Variants in OXNAD1 observed in about 807,000 individuals in gnomAD.
OXNAD1 encodes oxidoreductase NAD-binding domain-containing protein 1.
A neutral mutation model predicts 32.9 loss-of-function variants in OXNAD1; 34 were observed. The ratio of observed to expected loss-of-function variants is 1.03; its 90% CI spans 0.79 to 1.38. The LOEUF (loss-of-function observed/expected upper bound fraction) is 1.38. Among genes scored for constraint, OXNAD1 ranks in the 40% most tolerant of loss-of-function variants. OXNAD1 has a pLI of 0.00. For synonymous variants in OXNAD1, 134 were observed against 135.2 expected (o/e 0.99, Z 0.06); for missense variants, 407 against 379.4 (o/e 1.07, Z -0.60).
Position 16,317,535 on chromosome 3 carries a change from T to C in OXNAD1, c.*30+13943T>C, listed in dbSNP as rs1156985117. ...AAAGGCCCACATAGGAAAGGGCTCC[T>C]AAAGTCCTATCATTTGGAGGGCCAG... On this transcript the variant is annotated intron_variant, in intron 9 of 9. Transcript: ENST00000435829. This position sits in a 1 kb window ranked among gnomAD's most constrained non-coding sequence, Gnocchi z 4.3. Among the ~76,000 whole-genome samples the C allele has an allele frequency of 6.6e-6, 1 of 152,150 alleles. No individual in the cohort carries two copies. The highest frequency in any genetic ancestry group is 2.4e-5 in the African/African-American group (1 of 41,430).
intron 5 of OXNAD1, 82 bp downstream of exon 5, chr3:16,286,530 A>G: frequency 1.8e-6 from 2 of 1,139,466 alleles, no homozygotes; most frequent in Non-Finnish European, 2.6e-6. Flanking sequence ...CTCCTGGAAA[A>G]GGCTAGCCAT....
chr3:16,306,624 T>G (rs1468406708), downstream of OXNAD1, among the ~76,000 whole-genome samples: 1 of 152,244 alleles, frequency 6.6e-6, no homozygotes, highest in Non-Finnish European at 1.5e-5. Context: ...ATGATTCATT[T>G]GTTAAAGAAA....
rs1468071472 is a variant in OXNAD1 at position 16,277,611 on chromosome 3, C to T, written c.183+5889C>T. Among the ~76,000 whole-genome samples the T allele has an allele frequency of 6.6e-6, 1 of 152,208 alleles. No homozygotes were observed. The highest frequency in any genetic ancestry group is 2.4e-5 in the African/African-American group (1 of 41,454). On this transcript the variant is annotated intron_variant, in intron 4 of 8. Coordinates refer to ENST00000285083, the MANE Select transcript of OXNAD1 (RefSeq NM_138381.5). This position sits in a 1 kb window ranked among gnomAD's most constrained non-coding sequence, Gnocchi z 4.3. ...AGGAAGCAGGGCCTAGGACATGTCT[C>T]TCAGTGACGAAAGGAAGCTCCAGCT...
chr3:16,296,274 T>G (rs572882742), intron 6 of OXNAD1, among the ~76,000 whole-genome samples: 1 of 134,592 alleles, frequency 7.4e-6, no homozygotes, highest in African/African-American at 2.5e-5. Context: ...CTCTTGCAAA[T>G]AGTCCAAAAA....
At chr3:16,310,716 G>A (rs752060098), downstream of OXNAD1, among the ~76,000 whole-genome samples, 8 of 152,228 alleles carry the variant, frequency 5.3e-5, no homozygotes, top group East Asian at 1.9e-4. Context: ...GGGGCTGGGC[G>A]CGGTGACTCA....
At chr3:16,339,122 T>C (rs2071127930), downstream of OXNAD1, among the ~76,000 whole-genome samples, 1 of 152,194 alleles carries the variant, frequency 6.6e-6, no homozygotes, top group Non-Finnish European at 1.5e-5. Context: ...AAGGAAGGGA[T>C]TGGGTAAGAC....
downstream of OXNAD1, among the ~76,000 whole-genome samples, chr3:16,308,323 G>A (rs2067713632): frequency 6.6e-6 from 1 of 152,150 alleles, no homozygotes; most frequent in Non-Finnish European, 1.5e-5. The surrounding 1 kb of genome is among the most constrained non-coding windows in gnomAD (Gnocchi z 4.4). Context: ...AGGGGCCCAG[G>A]GGTAGCAGAG....
intron 9 of OXNAD1, among the ~76,000 whole-genome samples, chr3:16,324,646 TTGTGTGTGTGTGTGTG>T (rs71632869): frequency 0.089 from 8,911 of 100,500 alleles, 462 homozygotes; most frequent in Non-Finnish European, 0.11. Context: ...TAGTATTCCA[TTGTGTGTGTGTGTGTG>T]TGTGTGTGTG....
chr3:16,330,643 T>TA (rs1173243027), intron 9 of OXNAD1, among the ~76,000 whole-genome samples: 2 of 152,360 alleles, frequency 1.3e-5, no homozygotes, highest in East Asian at 1.9e-4. Context: ...CCTGGAGTGT[T>TA]AAAAAATGGA....
chr3:16,321,588 C>T lies in OXNAD1; in HGVS notation c.*31-15524C>T, dbSNP rs2069061437. On this transcript the variant is annotated intron_variant, in intron 9 of 9. Transcript: ENST00000435829. This position sits in a 1 kb window ranked among gnomAD's most constrained non-coding sequence, Gnocchi z 4.8. The stretch of plus-strand genomic sequence containing the variant: ...TCTTCCAAGGAGTCTGGCTGTGAAG[C>T]CCCCCTCTCTGGAGGACTCCCATCT... Among the ~76,000 whole-genome samples, 1 of 152,118 alleles carries T rather than the reference C, an allele frequency of 6.6e-6. No homozygotes were observed. The highest frequency in any genetic ancestry group is 1.5e-5 in the Non-Finnish European group (1 of 68,010).
chr3:16,276,594 CT>C (rs1300303450), intron 4 of OXNAD1: 2 of 159,120 alleles, frequency 1.3e-5, no homozygotes, highest in Admixed American at 6.6e-5. Context: ...AGCTTCTGGT[CT>C]TTGTTTTTTT....
Position 16,335,561 on chromosome 3 carries a change from G to A in OXNAD1, c.*31-1551G>A, listed in dbSNP as rs1429264992. On this transcript the variant is annotated intron_variant, in intron 9 of 9. Transcript: ENST00000435829. This position sits in a 1 kb window ranked among gnomAD's most constrained non-coding sequence, Gnocchi z 4.7. ...TCACTTACAAGTGGGAGAGCTGAAC[G>A]GTGAAAACACATGTGAAAACACATG... Among the ~76,000 whole-genome samples, 4 of 152,130 alleles carry A rather than the reference G, an allele frequency of 2.6e-5. No individual in the cohort carries two copies. Among genetic ancestry groups the A allele is most frequent in the African/African-American group, 9.7e-5 (4 of 41,420 alleles).
intron 9 of OXNAD1, chr3:16,323,343 G>C: frequency 6.6e-7 from 1 of 1,506,774 alleles, no homozygotes; most frequent in South Asian, 1.1e-5. Context: ...GCCCTGCTGA[G>C]GAAAACCTAG....
intron 9 of OXNAD1, chr3:16,315,801 A>T (rs1238456633): frequency 5.9e-5 from 9 of 152,266 alleles, no homozygotes; most frequent in Admixed American, 5.9e-4. Flanking sequence ...TCCTTTGGAC[A>T]TGAGGCCAGG....
At chr3:16,270,262 T>C (rs2064829583) in intron 2 of OXNAD1, among the ~76,000 whole-genome samples, 1 of 152,260 alleles carries the variant, frequency 6.6e-6, no homozygotes, top group Middle Eastern at 3.2e-3. Context: ...CTTTATATGA[T>C]TAGAATAAAA....
chr3:16,292,477 T>G (rs2066498986), intron 5 of OXNAD1, among the ~76,000 whole-genome samples: 2 of 152,178 alleles, frequency 1.3e-5, no homozygotes. Flanking sequence ...TGTATAGGCA[T>G]GAGCCACTGT....
chr3:16,337,740 CAAAAAAAA>C (rs5846920), downstream of OXNAD1, among the ~76,000 whole-genome samples: 2 of 95,178 alleles, frequency 2.1e-5, no homozygotes, highest in South Asian at 3.6e-4. The surrounding 1 kb of genome is among the most constrained non-coding windows in gnomAD (Gnocchi z 5.0). Flanking sequence ...GACTCCATCT[CAAAAAAAA>C]AAAAAAAAAG....
At position 16,297,884 on chromosome 3, in the gene OXNAD1, T is replaced by A. The variant is rs886478738; in HGVS notation, c.432+2887T>A. Among the ~76,000 whole-genome samples the A allele has an allele frequency of 6.6e-6, 1 of 152,178 alleles. No individual in the cohort carries two copies. Among genetic ancestry groups the A allele is most frequent in the Non-Finnish European group, 1.5e-5 (1 of 68,032 alleles). ...TTTTCAGGGGGTGATGGAACTAATA[T>A]ATGTTTTGATTTTGATGATTGTTAC... On this transcript the variant is annotated intron_variant, in intron 6 of 8. Coordinates refer to ENST00000285083, the MANE Select transcript of OXNAD1 (RefSeq NM_138381.5). This position sits in a 1 kb window ranked among gnomAD's most constrained non-coding sequence, Gnocchi z 4.3.
rs777431765 is a variant in OXNAD1, at chr3:16,301,440, A to G, written c.433-186A>G. 1.1e-4 allele frequency among the ~76,000 whole-genome samples: 16 copies of G among 152,338 alleles called. No homozygotes were observed. The highest frequency in any genetic ancestry group is 2.4e-4 in the Non-Finnish European group (16 of 68,034). On this transcript the variant is annotated intron_variant, in intron 6 of 8. Transcript: ENST00000285083. The surrounding 1 kb of genome is among the most constrained non-coding windows in gnomAD (Gnocchi z 4.1). ...TCATTATGGATTACGAAGGTGGATT[A>G]GCCTGTGGCCTATAAAATGAGCAAG...
Sources: allele counts gnomAD v4.1 joint callset (sites outside exome capture counted in the v4.1 genomes callset), GRCh38; gene constraint gnomAD v4.1.1; non-coding constraint Gnocchi (gnomAD v3.1); transcripts MANE v1.5; gene names NCBI Gene and HGNC (gene_info 2026-07-23, HGNC 2026-07-21).